The following GPR158 variants were observed in gnomAD, a reference collection of about 807,000 sequenced individuals.
GPR158 encodes G protein-coupled receptor 158, also known as metabotropic glycine receptor.
Under a neutral mutation model 78.2 loss-of-function variants are expected in GPR158, and 30 were observed. That is an observed-to-expected ratio of 0.38 (90% CI 0.29 to 0.52). GPR158 has a LOEUF of 0.52. GPR158 is among the 20% of genes least tolerant of loss of function. The probability of loss-of-function intolerance (pLI) is 0.83; values close to 1 mark genes in which losing one functional copy is unlikely to be tolerated. For missense variants in GPR158, 1,463 were observed against 1,523.5 expected (o/e 0.96, Z 0.66); for synonymous variants, 581 against 591.1 (o/e 0.98, Z 0.25).
chr10:25,177,619 A>G (rs1032000722), intron 1 of GPR158, among the ~76,000 whole-genome samples: 5 of 152,170 alleles, frequency 3.3e-5, no homozygotes, highest in Non-Finnish European at 5.9e-5. Flanking sequence ...AATGACCTCA[A>G]CCAAGTTGCT....
chr10:25,414,423 CATT>C (rs1352111691), intron 4 of GPR158, among the ~76,000 whole-genome samples: 2 of 152,014 alleles, frequency 1.3e-5, no homozygotes, highest in Non-Finnish European at 2.9e-5. Flanking sequence ...CTAAATTAAA[CATT>C]ATCTAGTTTT....
chr10:25,423,120 C>CAT (rs1554802505), intron 4 of GPR158, among the ~76,000 whole-genome samples: 6 of 147,486 alleles, frequency 4.1e-5, no homozygotes, highest in Admixed American at 4.0e-4. Context: ...CACATATATA[C>CAT]ATATATATGT....
chr10:25,311,994 T>C (rs539137036), intron 2 of GPR158, among the ~76,000 whole-genome samples: 35 of 152,156 alleles, frequency 2.3e-4, no homozygotes, highest in East Asian at 7.7e-4. Context: ...CATTTATGCA[T>C]TTAGTCTTTT....
intron 2 of GPR158, among the ~76,000 whole-genome samples, chr10:25,386,899 A>G (rs928511610): frequency 6.6e-6 from 1 of 152,184 alleles, no homozygotes; most frequent in African/African-American, 2.4e-5. Flanking sequence ...CTCAAATTAT[A>G]TAAGATCTTG....
At chr10:25,580,544 A>C (rs990934375) in intron 7 of GPR158, among the ~76,000 whole-genome samples, 2 of 148,768 alleles carry the variant, frequency 1.3e-5, no homozygotes, top group African/African-American at 5.2e-5. Context: ...ATTAGGCTTT[A>C]TTATGACAGG....
intron 5 of GPR158, among the ~76,000 whole-genome samples, chr10:25,504,946 C>A (rs1003649536): frequency 3.9e-5 from 6 of 152,088 alleles, no homozygotes; most frequent in Non-Finnish European, 8.8e-5. Flanking sequence ...AGTAATACTG[C>A]CTGGAATTCA....
At chr10:25,362,291 C>G (rs528206144) in intron 2 of GPR158, among the ~76,000 whole-genome samples, 1 of 151,986 alleles carries the variant, frequency 6.6e-6, no homozygotes, top group East Asian at 1.9e-4. Context: ...TTTCTGGGCT[C>G]TCATCCTATT....
chr10:25,558,323 T>C (rs918138911), intron 6 of GPR158, among the ~76,000 whole-genome samples: 4 of 152,250 alleles, frequency 2.6e-5, no homozygotes, highest in African/African-American at 9.6e-5. Flanking sequence ...AACACTTTAT[T>C]ATCCTAATAT....
At chr10:25,375,466 CT>C (rs34150156) in intron 2 of GPR158, among the ~76,000 whole-genome samples, 1 of 79,388 alleles carries the variant, frequency 1.3e-5, no homozygotes, top group Non-Finnish European at 3.5e-5. Flanking sequence ...ATGTTTTTCT[CT>C]TTTTTTTCTA....
chr10:25,501,501 T>C (rs965617667), intron 5 of GPR158, among the ~76,000 whole-genome samples: 10 of 152,222 alleles, frequency 6.6e-5, no homozygotes, highest in African/African-American at 2.4e-4. Context: ...ATGTTTTCTT[T>C]GTGTCTCTTC....
intron 1 of GPR158, among the ~76,000 whole-genome samples, chr10:25,215,089 A>G (rs1260244366): frequency 6.6e-6 from 1 of 152,200 alleles, no homozygotes; most frequent in East Asian, 1.9e-4. Flanking sequence ...ATTATTTACA[A>G]TAGCCAAAAG....
intron 2 of GPR158, among the ~76,000 whole-genome samples, chr10:25,360,935 C>T (rs961929858): frequency 4.6e-5 from 7 of 151,946 alleles, no homozygotes; most frequent in African/African-American, 1.4e-4. Flanking sequence ...TCTCTTATTT[C>T]GTTGAGCAGT....
At chr10:25,379,441 A>C (rs1416033859) in intron 2 of GPR158, among the ~76,000 whole-genome samples, 1 of 152,266 alleles carries the variant, frequency 6.6e-6, no homozygotes, top group East Asian at 1.9e-4. Flanking sequence ...ACTAGTTTTT[A>C]TTCACTCTTA....
At chr10:25,597,037 T>G (rs139989795) in intron 10 of GPR158, among the ~76,000 whole-genome samples, 5 of 152,344 alleles carry the variant, frequency 3.3e-5, no homozygotes, top group Admixed American at 6.5e-5. Context: ...AGTAACCTGG[T>G]CAACCTCAGT....
intron 5 of GPR158, among the ~76,000 whole-genome samples, chr10:25,526,659 A>G (rs1274093410): frequency 1.3e-5 from 2 of 152,246 alleles, no homozygotes; most frequent in African/African-American, 4.8e-5. Context: ...ACTTGGAAAG[A>G]GGCTTCCTCT....
chr10:25,407,291 A>G (rs1280323752), intron 3 of GPR158, among the ~76,000 whole-genome samples: 2 of 152,226 alleles, frequency 1.3e-5, no homozygotes, highest in African/African-American at 4.8e-5. Flanking sequence ...GAAATAATGC[A>G]TTGCCTCTTG....
At chr10:25,543,329 C>A (rs970198429) in intron 5 of GPR158, among the ~76,000 whole-genome samples, 2 of 152,100 alleles carry the variant, frequency 1.3e-5, no homozygotes, top group Non-Finnish European at 2.9e-5. Context: ...CCATGTTGGC[C>A]AGGCTAGTCT....
chr10:25,423,494 C>G (rs1198745111), intron 4 of GPR158, among the ~76,000 whole-genome samples: 1 of 151,766 alleles, frequency 6.6e-6, no homozygotes, highest in Non-Finnish European at 1.5e-5. Flanking sequence ...CCCATTAATT[C>G]ATCATTACAT....
At chr10:25,453,015 T>C (rs1435949294) in intron 4 of GPR158, among the ~76,000 whole-genome samples, 1 of 152,218 alleles carries the variant, frequency 6.6e-6, no homozygotes, top group Non-Finnish European at 1.5e-5. Flanking sequence ...TCACTTAGCA[T>C]GTCCTCCAGT....
Sources: gnomAD v4.1 joint callset for allele counts (sites outside exome capture counted in the v4.1 genomes callset) on GRCh38, gnomAD v4.1.1 for gene constraint, MANE v1.5 for transcripts, NCBI Gene and HGNC (gene_info 2026-07-23, HGNC 2026-07-21) for gene names.